KLHL1: variants seen among roughly 807,000 people sequenced by gnomAD.
KLHL1 encodes the protein kelch like family member 1.
A neutral mutation model predicts 77.7 loss-of-function variants in KLHL1; 47 were observed. That is an observed-to-expected ratio of 0.60 (90% CI 0.48 to 0.77). The LOEUF is 0.77. Among genes scored for constraint, KLHL1 ranks in the 30% least tolerant of loss-of-function variants. The pLI is 0.00. For synonymous variants in KLHL1, 360 were observed against 325.2 expected (o/e 1.11, Z -1.15); for missense variants, 925 against 910.8 (o/e 1.02, Z -0.20).
intron 6 of KLHL1, among the ~76,000 whole-genome samples, chr13:69,828,064 C>G: frequency 6.7e-6 from 1 of 150,192 alleles, no homozygotes; most frequent in East Asian, 1.9e-4. Context: ...CTTGGATGGA[C>G]AGAACAGCAT....
Position 69,897,822 on chromosome 13 carries a change from A to G in KLHL1, c.1015-15327T>C, listed in dbSNP as rs906218948. Among the ~76,000 whole-genome samples the G allele has an allele frequency of 2.0e-5, 3 of 152,196 alleles. 1 individual carries two copies. In the East Asian group the frequency reaches 5.8e-4, roughly 29 times the overall value. On this transcript the variant is annotated intron_variant, in intron 4 of 10. Transcript: ENST00000377844. ...CACCCTGTTGTCCTTTGGGTCCACA[A>G]AGAAAGTATAAGAATAGCAGATGAT...
In KLHL1 at chr13:70,081,861, A is replaced by T. The variant is rs149762242; in HGVS notation, c.497+25342T>A. Among the ~76,000 whole-genome samples the T allele has an allele frequency of 9.2e-3, 1,406 of 152,270 alleles. 15 individuals are homozygous for T. The highest frequency in any genetic ancestry group is 0.031 in the African/African-American group (1,303 of 41,554). Reference sequence around the variant, plus strand: ...CTTACGGGTTTGTGGTAATTTGTTAAGCAGGAATGGAAAACTAATAGAGTT... The same window carrying T: ...CTTACGGGTTTGTGGTAATTTGTTATGCAGGAATGGAAAACTAATAGAGTT... On this transcript the variant is annotated intron_variant, in intron 1 of 10. Transcript: ENST00000377844.
intron 6 of KLHL1, chr13:69,802,884 A>G (rs963440435): frequency 2.0e-5 from 3 of 152,086 alleles, no homozygotes; most frequent in African/African-American, 7.2e-5. Flanking sequence ...TTGTCCTGCT[A>G]CATTTCTGGG....
At chr13:69,814,549 A>G (rs1878037340) in intron 6 of KLHL1, among the ~76,000 whole-genome samples, 1 of 152,192 alleles carries the variant, frequency 6.6e-6, no homozygotes, top group South Asian at 2.1e-4. Flanking sequence ...AAAAAAAATC[A>G]ACAAGTAAAG....
At chr13:69,757,828 G>C (rs529245935) in intron 7 of KLHL1, among the ~76,000 whole-genome samples, 1 of 151,720 alleles carries the variant, frequency 6.6e-6, no homozygotes, top group South Asian at 2.1e-4. Flanking sequence ...GTGGTGGCAG[G>C]TGCCTGTAAT....
chr13:69,713,472 T>G (rs1318294489), intron 9 of KLHL1, among the ~76,000 whole-genome samples: 1 of 152,172 alleles, frequency 6.6e-6, no homozygotes, highest in Admixed American at 6.6e-5. Flanking sequence ...TGGTGAGCAT[T>G]TTTTATAATG....
intron 1 of KLHL1, among the ~76,000 whole-genome samples, chr13:70,062,814 A>C (rs1886923004): frequency 6.6e-6 from 1 of 152,166 alleles, no homozygotes; most frequent in Admixed American, 6.6e-5. Context: ...CGTTTAACAA[A>C]ATTATATTTT....
At chr13:70,102,503 A>G (rs2137456291) in intron 1 of KLHL1, among the ~76,000 whole-genome samples, 1 of 152,234 alleles carries the variant, frequency 6.6e-6, no homozygotes, top group South Asian at 2.1e-4. Context: ...CACAATCTCC[A>G]CCAAGGGAAA....
intron 3 of KLHL1, among the ~76,000 whole-genome samples, chr13:69,945,652 C>A (rs948900796): frequency 6.6e-5 from 10 of 152,042 alleles, no homozygotes; most frequent in African/African-American, 2.2e-4. Context: ...AATATATGAA[C>A]AAAAAATGCT....
intron 6 of KLHL1, among the ~76,000 whole-genome samples, chr13:69,814,581 T>A (rs986890507): frequency 2.0e-5 from 3 of 152,002 alleles, no homozygotes; most frequent in Non-Finnish European, 4.4e-5. Flanking sequence ...GCAAAGGACA[T>A]GAACAGATAC....
intron 1 of KLHL1, among the ~76,000 whole-genome samples, chr13:70,069,897 G>T (rs953032216): frequency 4.6e-5 from 7 of 151,968 alleles, no homozygotes; most frequent in Non-Finnish European, 8.8e-5. Context: ...GGCCGGGCAC[G>T]GTGGCTCATG....
At chr13:70,033,441 C>G (rs1409870012) in intron 1 of KLHL1, among the ~76,000 whole-genome samples, 1 of 151,874 alleles carries the variant, frequency 6.6e-6, no homozygotes, top group African/African-American at 2.4e-5. Context: ...AGGTGCCCAC[C>G]ACCACGCCTG....
At chr13:70,060,702 T>G (rs779689167) in intron 1 of KLHL1, among the ~76,000 whole-genome samples, 9 of 151,888 alleles carry the variant, frequency 5.9e-5, no homozygotes, top group Non-Finnish European at 1.0e-4. Flanking sequence ...AAAAATTAGC[T>G]GGGCATGGTG....
intron 1 of KLHL1, among the ~76,000 whole-genome samples, chr13:69,982,225 G>C (rs1271410785): frequency 1.3e-5 from 2 of 151,766 alleles, no homozygotes; most frequent in East Asian, 3.9e-4. Flanking sequence ...CCTGAGTTCA[G>C]GAGTTTGAGA....
intron 3 of KLHL1, among the ~76,000 whole-genome samples, chr13:69,941,368 T>A (rs1389333645): frequency 6.6e-6 from 1 of 152,040 alleles, no homozygotes; most frequent in African/African-American, 2.4e-5. Context: ...AACAATGAAA[T>A]CAAGGTGGAA....
intron 1 of KLHL1, among the ~76,000 whole-genome samples, chr13:70,039,882 C>T (rs4451848): frequency 0.31 from 47,269 of 151,788 alleles, 9,086 homozygotes; most frequent in South Asian, 0.44. Flanking sequence ...CTCAAGTGAT[C>T]TGTGTGCCTG....
rs150063552 is a variant in KLHL1 at position 69,893,657 on chromosome 13, A to G, written c.1015-11162T>C. Among the ~76,000 whole-genome samples, 55 of 152,356 alleles carry G rather than the reference A, an allele frequency of 3.6e-4. No homozygotes were observed. The East Asian group carries it at 0.01, about 29-fold the overall frequency. ...TGTTATGTATGATGCTCTAAATACG[A>G]AAGTTGGTACAAAACATAAATGCGT... On this transcript the variant is annotated intron_variant, in intron 4 of 10. Transcript: ENST00000377844.
intron 4 of KLHL1, among the ~76,000 whole-genome samples, chr13:69,930,718 A>G (rs755804215): frequency 7.9e-5 from 12 of 151,802 alleles, no homozygotes; most frequent in Non-Finnish European, 1.8e-4. Context: ...TTAGTAGGAT[A>G]ATGATCACAC....
rs181702909 is a variant in KLHL1, at chr13:69,755,345, G to C, written c.1640-14789C>G. Among the ~76,000 whole-genome samples the C allele has an allele frequency of 2.2e-3, 331 of 152,002 alleles. 3 individuals are homozygous for C. Among genetic ancestry groups the C allele is most frequent in the Non-Finnish European group, 1.3e-3 (90 of 67,974 alleles). On this transcript the variant is annotated intron_variant, in intron 7 of 10. Coordinates refer to ENST00000377844, the MANE Select transcript of KLHL1 (RefSeq NM_020866.3). Reference sequence around the variant, plus strand: ...TTCCTGAGGCTTCACTAAAAGGTTTGTGGATGCCAGCATCATGCTTCCTGT... The same window carrying C: ...TTCCTGAGGCTTCACTAAAAGGTTTCTGGATGCCAGCATCATGCTTCCTGT...
Sources: allele counts gnomAD v4.1 joint callset (sites outside exome capture counted in the v4.1 genomes callset), GRCh38; gene constraint gnomAD v4.1.1; transcripts MANE v1.5; gene names NCBI Gene and HGNC (gene_info 2026-07-23, HGNC 2026-07-21).